Variants in CYRIB observed in about 807,000 individuals in gnomAD.
CYRIB encodes CYFIP-related Rac1 interactor B.
A neutral mutation model predicts 44.2 loss-of-function variants in CYRIB; 8 were observed. The ratio of observed to expected loss-of-function variants is 0.18; its 90% CI spans 0.11 to 0.33. CYRIB has a LOEUF of 0.33. CYRIB is among the 10% of genes least tolerant of loss of function. CYRIB has a pLI of 1.00. For synonymous variants in CYRIB, 131 were observed against 127.2 expected (o/e 1.03, Z -0.20); for missense variants, 185 against 382.8 (o/e 0.48, Z 4.31).
At chr8:129,959,177 A>G (rs555989337) in intron 2 of CYRIB, among the ~76,000 whole-genome samples, 3 of 152,048 alleles carry the variant, frequency 2.0e-5, no homozygotes, top group Admixed American at 2.0e-4. Flanking sequence ...TCATTCAACA[A>G]ATCTTTTTAG....
chr8:129,934,413 A>G (rs2092392614), intron 1 of CYRIB, among the ~76,000 whole-genome samples: 1 of 152,224 alleles, frequency 6.6e-6, no homozygotes, highest in Admixed American at 6.5e-5. Flanking sequence ...TAAATCTTAA[A>G]TTATAATATC....
intron 2 of CYRIB, among the ~76,000 whole-genome samples, chr8:129,900,858 G>C (rs1170778183): frequency 1.3e-5 from 2 of 152,280 alleles, no homozygotes; most frequent in East Asian, 3.9e-4. Context: ...ATTTTTAGTA[G>C]AGATGGGATT....
intron 1 of CYRIB, among the ~76,000 whole-genome samples, chr8:129,973,169 G>C (rs534580593): frequency 6.6e-5 from 10 of 152,220 alleles, no homozygotes; most frequent in Non-Finnish European, 1.5e-4. Context: ...GAAGGAAAGG[G>C]GATGAGGCAA....
At chr8:129,989,234 GGAC>G (rs1384885601) in intron 1 of CYRIB, among the ~76,000 whole-genome samples, 1 of 152,084 alleles carries the variant, frequency 6.6e-6, no homozygotes, top group East Asian at 1.9e-4. Context: ...TTTACCAGCA[GGAC>G]GACTGGAGCC....
At chr8:129,944,575 G>A (rs1436985517), upstream of CYRIB, among the ~76,000 whole-genome samples, 1 of 152,064 alleles carries the variant, frequency 6.6e-6, no homozygotes, top group Non-Finnish European at 1.5e-5. Flanking sequence ...TTGAGTCCAG[G>A]AGTTCGAGAC....
At chr8:130,005,994 A>G (rs2097051977) in intron 1 of CYRIB, among the ~76,000 whole-genome samples, 1 of 152,044 alleles carries the variant, frequency 6.6e-6, no homozygotes, top group Non-Finnish European at 1.5e-5. Context: ...AGAATCACTT[A>G]GAATGCTCAT....
intron 1 of CYRIB, among the ~76,000 whole-genome samples, chr8:129,973,884 C>T (rs963372296): frequency 2.0e-5 from 3 of 152,300 alleles, no homozygotes; most frequent in African/African-American, 4.8e-5. Flanking sequence ...CAGTCCCTCA[C>T]CTAGCTGAGA....
intron 1 of CYRIB, among the ~76,000 whole-genome samples, chr8:130,005,118 A>G (rs1024249023): frequency 1.3e-5 from 2 of 151,676 alleles, no homozygotes; most frequent in African/African-American, 4.8e-5. Context: ...TCTGAACTTC[A>G]CAGAATTTTT....
At chr8:129,939,080 C>T (rs2093318422) in intron 1 of CYRIB, among the ~76,000 whole-genome samples, 1 of 151,992 alleles carries the variant, frequency 6.6e-6, no homozygotes, top group African/African-American at 2.4e-5. Context: ...TGATGGGGAG[C>T]GATAAAGACA....
intron 1 of CYRIB, among the ~76,000 whole-genome samples, chr8:129,994,905 AC>A (rs1372242559): frequency 2.0e-4 from 30 of 151,950 alleles, no homozygotes; most frequent in Admixed American, 1.9e-3. Flanking sequence ...ACTCTAAACA[AC>A]CTCTTCCTGC....
intron 3 of CYRIB, among the ~76,000 whole-genome samples, chr8:129,872,507 A>G (rs60106676): frequency 0.015 from 2,256 of 152,168 alleles, 41 homozygotes; most frequent in African/African-American, 0.046. Context: ...AATCTTTTAT[A>G]TTTTAAGGAA....
At chr8:129,994,778 G>A (rs2096730652) in intron 1 of CYRIB, among the ~76,000 whole-genome samples, 1 of 152,338 alleles carries the variant, frequency 6.6e-6, no homozygotes, top group African/African-American at 2.4e-5. Context: ...GAATCAACAG[G>A]CAAAGTGCAG....
At chr8:129,875,687 G>A (rs28593681) in intron 3 of CYRIB, among the ~76,000 whole-genome samples, 2,547 of 152,266 alleles carry the variant, frequency 0.017, 60 homozygotes, top group African/African-American at 0.053. Flanking sequence ...ACGTCTAACT[G>A]AATACAGAAT....
intron 2 of CYRIB, among the ~76,000 whole-genome samples, chr8:129,955,594 C>A (rs1011510066): frequency 1.3e-5 from 2 of 152,178 alleles, no homozygotes; most frequent in Non-Finnish European, 2.9e-5. Context: ...GCCCTATTTA[C>A]CTCTTACAAG....
intron 2 of CYRIB, among the ~76,000 whole-genome samples, chr8:129,892,638 G>A (rs555047075): frequency 0.043 from 6,598 of 152,198 alleles, 234 homozygotes; most frequent in African/African-American, 0.098. Context: ...ACACTAGGCT[G>A]ATGTAAAACG....
intron 1 of CYRIB, among the ~76,000 whole-genome samples, chr8:129,977,429 T>C (rs2132477113): frequency 6.6e-6 from 1 of 152,280 alleles, no homozygotes; most frequent in Non-Finnish European, 1.5e-5. Flanking sequence ...ATAATAATGA[T>C]GTGCACGTCT....
At chr8:129,999,817 G>A (rs1401197247) in intron 1 of CYRIB, among the ~76,000 whole-genome samples, 1 of 152,070 alleles carries the variant, frequency 6.6e-6, no homozygotes, top group African/African-American at 2.4e-5. Context: ...TTGTAGAGAT[G>A]GGGGCTTACT....
At chr8:129,999,445 C>A (rs975774582) in intron 1 of CYRIB, among the ~76,000 whole-genome samples, 1 of 152,252 alleles carries the variant, frequency 6.6e-6, no homozygotes, top group Non-Finnish European at 1.5e-5. Context: ...AGGCAAGGCC[C>A]ACGTGCGCCA....
chr8:129,855,280 A>G (rs1027501738), intron 6 of CYRIB, among the ~76,000 whole-genome samples: 2 of 151,942 alleles, frequency 1.3e-5, no homozygotes, highest in Admixed American at 1.3e-4. Context: ...AATCCCAGCT[A>G]CTTGGGAGGT....
Sources: gnomAD v4.1 joint callset for allele counts (sites outside exome capture counted in the v4.1 genomes callset) on GRCh38, gnomAD v4.1.1 for gene constraint, MANE v1.5 for transcripts, NCBI Gene and HGNC (gene_info 2026-07-23, HGNC 2026-07-21) for gene names.